The following RAD51D variants were observed in gnomAD, a reference collection of about 807,000 sequenced individuals.
RAD51D encodes the protein RAD51 paralog D.
In RAD51D, 38 loss-of-function variants were observed where a neutral mutation model predicts 44.1. The ratio of observed to expected loss-of-function variants is 0.86; its 90% CI spans 0.67 to 1.13. The LOEUF is 1.13. RAD51D is among the 50% of genes most tolerant of loss of function. RAD51D has a pLI of 0.00. For missense variants in RAD51D, 390 were observed against 414.0 expected, an observed-to-expected ratio of 0.94 and a Z score of 0.50; for synonymous variants, 141 against 166.6, an observed-to-expected ratio of 0.85 and a Z score of 1.18.
chr17:35,100,626 T>G lies in RAD51D; in HGVS notation c.*327A>C. ...CAGGACACAATGGTGATGCACAGGA[T>G]TATCCATCCAGTCGCCAGCATGCCT... On this transcript the variant is annotated 3_prime_UTR_variant, in exon 10 of 10. Coordinates refer to ENST00000345365, the MANE Select transcript of RAD51D (RefSeq NM_002878.4). 1 of 555,352 alleles carries G rather than the reference T, an allele frequency of 1.8e-6. No individual in the cohort carries two copies. The highest frequency in any genetic ancestry group is 3.4e-6 in the Non-Finnish European group (1 of 295,086). 34.4% of individuals were successfully genotyped at this position (555,352 alleles called of 1,614,324 possible).
rs527927026 is a variant in RAD51D at position 35,093,608 on chromosome 17, A to T, written c.*7345T>A. On this transcript the variant is annotated 3_prime_UTR_variant, in exon 10 of 10. Transcript: ENST00000345365. Reference sequence around the variant, plus strand: ...CTCCTCCAAGACTGAAGGGTAACCCAGTGAGGTCTTTCATAAAGAGCAGCT... The same window carrying T: ...CTCCTCCAAGACTGAAGGGTAACCCTGTGAGGTCTTTCATAAAGAGCAGCT... 6.6e-6 allele frequency: 1 copy of T among 152,342 alleles called. No individual in the cohort carries two copies. Among genetic ancestry groups the T allele is most frequent in the South Asian group, 2.1e-4 (1 of 4,824 alleles). 9.4% of individuals were successfully genotyped at this position (152,342 alleles called of 1,614,324 possible).
At chr17:35,102,389 C>T (rs571591085) in intron 8 of RAD51D, among the ~76,000 whole-genome samples, 3 of 152,270 alleles carry the variant, frequency 2.0e-5, no homozygotes, top group Admixed American at 6.5e-5. Context: ...GATCCACCAG[C>T]CTTGGCTTCT....
chr17:35,101,128 C>G (rs1182692945), intron 9 of RAD51D, 73 bp downstream of exon 9: 1 of 1,611,132 alleles, frequency 6.2e-7, no homozygotes, highest in Non-Finnish European at 8.5e-7. Context: ...GAGTTCTTCT[C>G]GAAGACATCT....
rs1597856236 is a variant in RAD51D, at chr17:35,101,351, TA to T, written c.752del (p.Ile251LysfsTer59). 1.9e-6 allele frequency: 3 copies of T among 1,613,898 alleles called. No individual in the cohort carries two copies. Among genetic ancestry groups the T allele is most frequent in the Non-Finnish European group, 2.5e-6 (3 of 1,180,008 alleles). On this transcript the variant is annotated frameshift_variant, in exon 9 of 10. Coordinates refer to ENST00000345365, the MANE Select transcript of RAD51D (RefSeq NM_002878.4). LOFTEE classifies it high-confidence loss of function. ...LGMAVVVTNHITRDRDSGRLK... is the reference protein window; with the variant it reads ...LGMAVVVTNHXTRDRDSGRLK... Reference sequence around the variant, plus strand: ...GCCTCCCGCTGTCCCTGTCTCGAGTTATGTGGTTGGTCACCTGCAGCAGAAA... The same window carrying T: ...GCCTCCCGCTGTCCCTGTCTCGAGTTTGTGGTTGGTCACCTGCAGCAGAAA...
chr17:35,118,468 C>G, intron 3 of RAD51D, 33 bp downstream of exon 3: 1 of 1,580,864 alleles, frequency 6.3e-7, no homozygotes, highest in Non-Finnish European at 8.7e-7. Flanking sequence ...ATCCTCCTGC[C>G]TCTCTCCTTC....
At chr17:35,119,472 G>T in intron 1 of RAD51D, 60 bp downstream of exon 1, 1 of 1,575,496 alleles carries the variant, frequency 6.3e-7, no homozygotes, top group South Asian at 1.1e-5. Context: ...GCCAGCCCTC[G>T]GGGCCTGCCC....
rs554862083 is a variant in RAD51D at position 35,093,433 on chromosome 17, T to A, written c.*7520A>T. 3 of 152,152 alleles carry A rather than the reference T, an allele frequency of 2.0e-5. No homozygotes were observed. The highest frequency in any genetic ancestry group is 4.4e-5 in the Non-Finnish European group (3 of 68,054). The allele number at this position is 152,152 out of a possible 1,614,324, so 9.4% of individuals were successfully genotyped here. ...AAGCTGAGGCTATTATACCAAAAACTATAGAGAGGCCAAGGAAGAGCAGAG... is the reference window on the plus strand; with the variant it reads ...AAGCTGAGGCTATTATACCAAAAACAATAGAGAGGCCAAGGAAGAGCAGAG... On this transcript the variant is annotated 3_prime_UTR_variant, in exon 10 of 10. Coordinates refer to ENST00000345365, the MANE Select transcript of RAD51D (RefSeq NM_002878.4).
At chr17:35,114,575 A>G (rs1025757603) in intron 3 of RAD51D, among the ~76,000 whole-genome samples, 3 of 152,124 alleles carry the variant, frequency 2.0e-5, no homozygotes, top group African/African-American at 7.2e-5. Flanking sequence ...CTGTAGTCCC[A>G]GCTACTTGGG....
At chr17:35,104,010 G>A (rs894905304) in intron 6 of RAD51D, among the ~76,000 whole-genome samples, 11 of 152,170 alleles carry the variant, frequency 7.2e-5, no homozygotes, top group Admixed American at 3.3e-4. Context: ...ACTGGGAGGC[G>A]GGGGTTGCAG....
Position 35,119,720 on chromosome 17 carries a change from G to T in RAD51D, c.-107C>A. On this transcript the variant is annotated 5_prime_UTR_variant, in exon 1 of 10. In the 5' UTR this introduces an upstream ATG that the reference lacks. Transcript: ENST00000345365. ...CCTACCCCTTCCTAGAGAGGACACA[G>T]GCGCGCTGGCTGCCGGAGGAGAAAG... 8.8e-7 allele frequency: 1 copy of T among 1,133,034 alleles called. No homozygotes were observed. Among genetic ancestry groups the T allele is most frequent in the East Asian group, 2.4e-5 (1 of 41,314 alleles). The allele number at this position is 1,133,034 out of a possible 1,614,324, so 70.2% of individuals were successfully genotyped here.
rs2091493797 is a variant in RAD51D at position 35,097,447 on chromosome 17, A to C, written c.*3506T>G. 1 of 127,606 alleles carries C rather than the reference A, an allele frequency of 7.8e-6. No individual in the cohort carries two copies. The highest frequency in any genetic ancestry group is 8.3e-5 in the Admixed American group (1 of 12,084). The allele number at this position is 127,606 out of a possible 1,614,324, so 7.9% of individuals were successfully genotyped here. A position where few individuals can be genotyped will look rare whatever the true frequency, so the allele number is the denominator to read the frequency against. ...TGTGTATATATATGTGTGTATATATATGTGTGTATATATATATATGTGTGT... is the reference window on the plus strand; with the variant it reads ...TGTGTATATATATGTGTGTATATATCTGTGTGTATATATATATATGTGTGT... On this transcript the variant is annotated 3_prime_UTR_variant, in exon 10 of 10. Transcript: ENST00000345365.
chr17:35,101,078 A>G (rs368020843), intron 9 of RAD51D, 42 bp from the exon 10 acceptor site: 13 of 1,594,146 alleles, frequency 8.2e-6, no homozygotes, highest in Non-Finnish European at 1.0e-5. Flanking sequence ...AAGCAACCCA[A>G]GTGGGTAGCT....
intron 6 of RAD51D, among the ~76,000 whole-genome samples, chr17:35,105,916 A>G (rs1377953034): frequency 6.6e-6 from 1 of 152,070 alleles, no homozygotes; most frequent in African/African-American, 2.4e-5. Context: ...TTGAATATGG[A>G]TGTGGATGTG....
rs555543872 is a variant in RAD51D, at chr17:35,103,399, G to A, written c.667+55C>T. 2.5e-6 allele frequency: 4 copies of A among 1,608,620 alleles called. No homozygotes were observed. Among genetic ancestry groups the A allele is most frequent in the Middle Eastern group, 1.7e-4 (1 of 6,058 alleles). On this transcript the variant is annotated intron_variant, in intron 7 of 9. Transcript: ENST00000345365. This position sits in a 1 kb window ranked among gnomAD's most constrained non-coding sequence, Gnocchi z 4.1. ...GGGGCTGGCCAGAGACCAGACTCCA[G>A]AGCTGGGAGGCGAGGTCACATTCCA...
At position 35,098,852 on chromosome 17, in the gene RAD51D, T is replaced by C. The variant is rs992945887; in HGVS notation, c.*2101A>G. On this transcript the variant is annotated 3_prime_UTR_variant, in exon 10 of 10. Coordinates refer to ENST00000345365, the MANE Select transcript of RAD51D (RefSeq NM_002878.4). ...GTAACAGGATGGGCCAGATGATTTT[T>C]TTTTTCCTTGAGACAGGGTCTTGCT... 1 of 152,234 alleles carries C rather than the reference T, an allele frequency of 6.6e-6. No individual in the cohort carries two copies. The highest frequency in any genetic ancestry group is 2.4e-5 in the African/African-American group (1 of 41,412). 9.4% of individuals were successfully genotyped at this position (152,234 alleles called of 1,614,324 possible).
At chr17:35,111,938 C>T (rs1001750141) in intron 3 of RAD51D, among the ~76,000 whole-genome samples, 1 of 152,234 alleles carries the variant, frequency 6.6e-6, no homozygotes, top group East Asian at 1.9e-4. Context: ...ATCCATTTAT[C>T]CGAGTCATCT....
In RAD51D at chr17:35,099,389, T is replaced by A. The variant is rs1436506831; in HGVS notation, c.*1564A>T. ...GGTCATGTCTGCTGTGGGCTGAAGATGCCCAAATAGTACCTTGAGTGGCAA... is the reference window on the plus strand; with the variant it reads ...GGTCATGTCTGCTGTGGGCTGAAGAAGCCCAAATAGTACCTTGAGTGGCAA... On this transcript the variant is annotated 3_prime_UTR_variant, in exon 10 of 10. Transcript: ENST00000345365. The A allele has an allele frequency of 5.7e-6, 1 of 176,566 alleles. No homozygotes were observed. The highest frequency in any genetic ancestry group is 1.2e-5 in the Non-Finnish European group (1 of 80,796). The allele number at this position is 176,566 out of a possible 1,614,324, so 10.9% of individuals were successfully genotyped here. A position where few individuals can be genotyped will look rare whatever the true frequency, so the allele number is the denominator to read the frequency against.
intron 3 of RAD51D, among the ~76,000 whole-genome samples, chr17:35,113,093 G>A (rs1335389796): frequency 6.6e-6 from 1 of 152,098 alleles, no homozygotes; most frequent in Non-Finnish European, 1.5e-5. Flanking sequence ...TCCATGCCCT[G>A]CCCTATCTCT....
chr17:35,095,012 G>A lies in RAD51D; in HGVS notation c.*5941C>T, dbSNP rs9899949. 18,340 of 152,172 alleles carry A rather than the reference G, an allele frequency of 0.12. 2,904 individuals are homozygous for A. The highest frequency in any genetic ancestry group is 0.36 in the African/African-American group (14,935 of 41,440). The allele number at this position is 152,172 out of a possible 1,614,324, so 9.4% of individuals were successfully genotyped here. A position where few individuals can be genotyped will look rare whatever the true frequency, so the allele number is the denominator to read the frequency against. The stretch of plus-strand genomic sequence containing the variant: ...TGGCTCCAGCATGTGCTTCAGGAAA[G>A]CCTGTCCCCAGCCTCAGCTCCAGGG... On this transcript the variant is annotated 3_prime_UTR_variant, in exon 10 of 10. Transcript: ENST00000345365.
Sources: gnomAD v4.1 joint callset for allele counts (sites outside exome capture counted in the v4.1 genomes callset) on GRCh38, gnomAD v4.1.1 for gene constraint, Gnocchi (gnomAD v3.1) non-coding constraint, MANE v1.5 for transcripts, NCBI Gene and HGNC (gene_info 2026-07-23, HGNC 2026-07-21) for gene names.